BMPR1A: variants seen among roughly 807,000 people sequenced by gnomAD.
BMPR1A encodes bone morphogenetic protein receptor type-1A.
BMPR1A carries 7 observed loss-of-function variants against 66.0 expected under a neutral mutation model. The observed-to-expected ratio is 0.11, with a 90% CI of 0.06 to 0.20. The LOEUF is 0.20. Ranked by LOEUF, BMPR1A falls within the 10% of genes least tolerant of loss-of-function variation. The probability of loss-of-function intolerance (pLI) is 1.00; values close to 1 mark genes in which losing one functional copy is unlikely to be tolerated. For missense variants in BMPR1A, 408 were observed against 669.1 expected (o/e 0.61, Z 4.31); for synonymous variants, 200 against 229.7 (o/e 0.87, Z 1.17).
intron 1 of BMPR1A, among the ~76,000 whole-genome samples, chr10:86,837,249 G>GTGTGTGTGTGTGTGTGTGTC (rs1684536017): frequency 2.0e-5 from 3 of 148,732 alleles, no homozygotes; most frequent in Non-Finnish European, 4.5e-5. Flanking sequence ...GTGTGTGTCT[G>GTGTGTGTGTGTGTGTGTGTC]TGTGTGTGTG....
At chr10:86,828,264 T>C (rs559076500) in intron 1 of BMPR1A, among the ~76,000 whole-genome samples, 1 of 152,344 alleles carries the variant, frequency 6.6e-6, no homozygotes, top group African/African-American at 2.4e-5. Flanking sequence ...CTTTTTGTTT[T>C]TATAGACCTT....
intron 2 of BMPR1A, among the ~76,000 whole-genome samples, chr10:86,847,027 G>A (rs1259497648): frequency 6.6e-6 from 1 of 151,964 alleles, no homozygotes; most frequent in Non-Finnish European, 1.5e-5. Flanking sequence ...GCTAATTTTT[G>A]TATTTTTAGT....
chr10:86,919,670 A>T (rs184071146), intron 10 of BMPR1A, among the ~76,000 whole-genome samples: 252 of 150,608 alleles, frequency 1.7e-3, no homozygotes, highest in African/African-American at 5.1e-3. Context: ...ATATATATAT[A>T]TTTTTTTGGT....
chr10:86,828,929 A>G (rs1842231941), intron 1 of BMPR1A, among the ~76,000 whole-genome samples: 1 of 152,212 alleles, frequency 6.6e-6, no homozygotes. Context: ...AAGTGTTTTT[A>G]TGCTTCATTG....
intron 1 of BMPR1A, among the ~76,000 whole-genome samples, chr10:86,820,857 G>C (rs149737484): frequency 3.3e-5 from 5 of 152,162 alleles, no homozygotes; most frequent in African/African-American, 1.2e-4. Flanking sequence ...CTTTTTTGCA[G>C]TGTTTTAAAT....
At chr10:86,842,750 C>A (rs1842441747) in intron 2 of BMPR1A, among the ~76,000 whole-genome samples, 1 of 152,104 alleles carries the variant, frequency 6.6e-6, no homozygotes, top group Non-Finnish European at 1.5e-5. Flanking sequence ...AGAGGCCTTA[C>A]AATCATGGCA....
chr10:86,900,925 C>A (rs1214220789), intron 7 of BMPR1A, among the ~76,000 whole-genome samples: 1 of 152,228 alleles, frequency 6.6e-6, no homozygotes. Context: ...CCTGGGGTTC[C>A]TCCCCTTGGG....
At chr10:86,775,702 G>A (rs1166512284) in intron 1 of BMPR1A, among the ~76,000 whole-genome samples, 1 of 151,836 alleles carries the variant, frequency 6.6e-6, no homozygotes, top group Admixed American at 6.6e-5. Flanking sequence ...GTAAACAATG[G>A]CAACAATACA....
rs187873774 is a variant in BMPR1A at position 86,866,776 on chromosome 10, T to C, written c.-152-9091T>C. On this transcript the variant is annotated intron_variant, in intron 2 of 12. Transcript: ENST00000372037. ...AACTTCCAGTTTCCTGTTTAACATA[T>C]GTGCTCATGGTATACCCGACAAAAC... Among the ~76,000 whole-genome samples, 518 of 152,236 alleles carry C rather than the reference T, an allele frequency of 3.4e-3. 4 individuals are homozygous for C. The highest frequency in any genetic ancestry group is 5.8e-3 in the Non-Finnish European group (392 of 68,008).
chr10:86,774,143 C>A (rs1348613431), intron 1 of BMPR1A, among the ~76,000 whole-genome samples: 1 of 152,132 alleles, frequency 6.6e-6, no homozygotes, highest in African/African-American at 2.4e-5. Flanking sequence ...AGCCACCGCG[C>A]CCAGCCTTTA....
chr10:86,757,128 C>G (rs1033710355), intron 1 of BMPR1A, among the ~76,000 whole-genome samples: 1 of 152,008 alleles, frequency 6.6e-6, no homozygotes, highest in Middle Eastern at 3.4e-3. Flanking sequence ...GCGTCCCCCG[C>G]CGGCCCCTCT....
intron 1 of BMPR1A, among the ~76,000 whole-genome samples, chr10:86,761,204 T>C (rs147758026): frequency 2.9e-4 from 44 of 152,356 alleles, no homozygotes; most frequent in African/African-American, 1.0e-3. Context: ...CAGTTTAATA[T>C]ATAACTAATG....
At chr10:86,812,562 T>A (rs7906823) in intron 1 of BMPR1A, among the ~76,000 whole-genome samples, 80,535 of 152,098 alleles carry the variant, frequency 0.53, 23,459 homozygotes, top group East Asian at 0.77. Context: ...ATTCCTACAG[T>A]GCTGTATGCC....
intron 1 of BMPR1A, among the ~76,000 whole-genome samples, chr10:86,775,049 A>G (rs1841324501): frequency 6.6e-6 from 1 of 152,238 alleles, no homozygotes; most frequent in Admixed American, 6.5e-5. Context: ...CAGCCAATGG[A>G]CTAAGAGAAG....
At chr10:86,802,510 C>T (rs1157166604) in intron 1 of BMPR1A, among the ~76,000 whole-genome samples, 4 of 152,002 alleles carry the variant, frequency 2.6e-5, no homozygotes, top group Admixed American at 6.6e-5. Context: ...AAAAATTTGA[C>T]GTGGGATGTC....
At chr10:86,855,263 GC>G in intron 2 of BMPR1A, 1 of 1,094,852 alleles carries the variant, frequency 9.1e-7, no homozygotes, top group Non-Finnish European at 1.2e-6. Context: ...CATAATTCTG[GC>G]CATACAAAAA....
chr10:86,831,837 T>C (rs952585186), intron 1 of BMPR1A, among the ~76,000 whole-genome samples: 1 of 152,212 alleles, frequency 6.6e-6, no homozygotes, highest in Non-Finnish European at 1.5e-5. Context: ...TTACCTACTT[T>C]TGGATTTTTC....
chr10:86,826,378 A>G (rs1438618455), intron 1 of BMPR1A, among the ~76,000 whole-genome samples: 1 of 151,464 alleles, frequency 6.6e-6, no homozygotes, highest in Non-Finnish European at 1.5e-5. Context: ...AGAGCTAAAT[A>G]GATCTATATT....
At chr10:86,803,002 C>T (rs751596781) in intron 1 of BMPR1A, among the ~76,000 whole-genome samples, 73 of 63,216 alleles carry the variant, frequency 1.2e-3, no homozygotes, top group Middle Eastern at 0.011. Flanking sequence ...AAGACCCGGT[C>T]TCAAAAAAAA....
Sources: allele counts gnomAD v4.1 joint callset (sites outside exome capture counted in the v4.1 genomes callset), GRCh38; gene constraint gnomAD v4.1.1; transcripts MANE v1.5; gene names NCBI Gene and HGNC (gene_info 2026-07-23, HGNC 2026-07-21).